Variants in FARP2 observed in about 807,000 individuals in gnomAD.
The protein encoded by FARP2 is FERM, ARH/RhoGEF and pleckstrin domain protein 2.
Under a neutral mutation model 130.5 loss-of-function variants are expected in FARP2, and 111 were observed. That is an observed-to-expected ratio of 0.85 (90% CI 0.73 to 1.00). The LOEUF is 1.00. Ranked by LOEUF, FARP2 falls within the 50% of genes least tolerant of loss-of-function variation. The pLI is 0.00. For synonymous variants in FARP2, 504 were observed against 516.9 expected, an observed-to-expected ratio of 0.98 and a Z score of 0.34; for missense variants, 1,385 against 1,346.3, an observed-to-expected ratio of 1.03 and a Z score of -0.45.
intron 5 of FARP2, among the ~76,000 whole-genome samples, chr2:241,409,506 G>A (rs371073977): frequency 8.5e-5 from 13 of 152,168 alleles, no homozygotes; most frequent in South Asian, 2.1e-4. Context: ...CTGTGGTAGC[G>A]CCACTGCACT....
At chr2:241,447,365 T>C (rs944403246) in intron 13 of FARP2, among the ~76,000 whole-genome samples, 5 of 152,210 alleles carry the variant, frequency 3.3e-5, no homozygotes, top group Middle Eastern at 3.4e-3. Flanking sequence ...GGAAGGCCAG[T>C]GGGGAAAGGT....
At chr2:241,408,794 C>A (rs1347577542) in intron 5 of FARP2, among the ~76,000 whole-genome samples, 1 of 152,086 alleles carries the variant, frequency 6.6e-6, no homozygotes, top group Non-Finnish European at 1.5e-5. Flanking sequence ...TATGAACTCT[C>A]TTTTAAAGGT....
intron 4 of FARP2, among the ~76,000 whole-genome samples, chr2:241,406,107 T>G (rs935330740): frequency 3.3e-5 from 5 of 151,916 alleles, no homozygotes; most frequent in Middle Eastern, 3.4e-3. Flanking sequence ...ATCGAGACCA[T>G]CCTGGCTAAC....
intron 21 of FARP2, among the ~76,000 whole-genome samples, chr2:241,487,858 C>T (rs2124902035): frequency 6.8e-6 from 1 of 147,654 alleles, no homozygotes; most frequent in African/African-American, 2.5e-5. Flanking sequence ...CGCCATTCTC[C>T]TACCTCAGCT....
chr2:241,493,513 A>C, intron 26 of FARP2, 69 bp downstream of exon 26: 12 of 1,481,890 alleles, frequency 8.1e-6, no homozygotes, highest in Non-Finnish European at 1.0e-5. Flanking sequence ...ATTTCTACTC[A>C]TGGTGGTGGA....
At chr2:241,448,177 G>T (rs1574842929) in intron 13 of FARP2, among the ~76,000 whole-genome samples, 1 of 152,150 alleles carries the variant, frequency 6.6e-6, no homozygotes, top group Non-Finnish European at 1.5e-5. Flanking sequence ...AGTCCCAGGG[G>T]CCTCACTTAC....
rs747794704 is a variant in FARP2 at position 241,491,531 on chromosome 2, T to C, written c.2639T>C (p.Val880Ala). The C allele has an allele frequency of 2.5e-6, 4 of 1,613,352 alleles. No homozygotes were observed. The Admixed American group carries it at 6.7e-5, about 27-fold the overall frequency. The change falls in exon 24 of 27, where the codon GTA becomes GCA. Residue 880 changes from valine to alanine, a missense_variant. Val to Ala is a moderately conservative substitution (Grantham distance 64, BLOSUM62 0). Coordinates refer to ENST00000264042, the MANE Select transcript of FARP2 (RefSeq NM_014808.4). ...CTRPPRSPNE[V>A]SLEQESEDDA... Reference sequence around the variant, plus strand: ...TTCTCCCCAGGATCCCCCAACGAGGTATCTCTGGAGCAGGAGTCAGAAGAT... The same window carrying C: ...TTCTCCCCAGGATCCCCCAACGAGGCATCTCTGGAGCAGGAGTCAGAAGAT...
chr2:241,426,785 G>A (rs1016485902), intron 8 of FARP2, among the ~76,000 whole-genome samples: 1 of 152,136 alleles, frequency 6.6e-6, no homozygotes, highest in South Asian at 2.1e-4. Flanking sequence ...AACTGTGCAG[G>A]TTTAAAAGTG....
chr2:241,483,336 G>A, intron 19 of FARP2, 129 bp from the exon 20 acceptor site: 1 of 760,128 alleles, frequency 1.3e-6, no homozygotes, highest in Non-Finnish European at 2.3e-6. Context: ...GGCTCCACTA[G>A]AGGACCCTCA....
chr2:241,482,958 C>T lies in FARP2; in HGVS notation c.2263-507C>T, dbSNP rs2064654028. On this transcript the variant is annotated intron_variant, in intron 19 of 26. Coordinates refer to ENST00000264042, the MANE Select transcript of FARP2 (RefSeq NM_014808.4). This position sits in a 1 kb window ranked among gnomAD's most constrained non-coding sequence, Gnocchi z 4.6. ...AACCCTCCTTTCCTCCTCCCATTCT[C>T]GAACCTGCTCTTGGTGCTAATTTGA... Among the ~76,000 whole-genome samples, 3 of 151,832 alleles carry T rather than the reference C, an allele frequency of 2.0e-5. No homozygotes were observed. The highest frequency in any genetic ancestry group is 2.0e-4 in the Admixed American group (3 of 15,234).
In FARP2 at chr2:241,488,988, A is replaced by C. The variant is rs552084786; in HGVS notation, c.2422-974A>C. 2.6e-5 allele frequency: 4 copies of C among 152,374 alleles called. No homozygotes were observed. In the South Asian group the frequency reaches 8.3e-4, roughly 32 times the overall value. 9.4% of individuals were successfully genotyped at this position (152,374 alleles called of 1,614,324 possible). On this transcript the variant is annotated intron_variant, in intron 21 of 26. Transcript: ENST00000264042. ...CTATTCTCAAGCATTTAATTCTTCC[A>C]AGTAATCTTCTAAGTCATTGGACAA...
chr2:241,420,411 G>C (rs2150376792), intron 8 of FARP2, among the ~76,000 whole-genome samples: 1 of 152,256 alleles, frequency 6.6e-6, no homozygotes, highest in South Asian at 2.1e-4. Context: ...CCAGGGAAGA[G>C]TGGCCAAGCT....
At position 241,475,817 on chromosome 2, in the gene FARP2, C is replaced by T; in HGVS notation, c.2132-40C>T. ...GGTGGGTGGAGGGTGCTGTGCACAC[C>T]ACTGCCTGTACACCTGTACTGAGGG... On this transcript the variant is annotated intron_variant, in intron 18 of 26. Coordinates refer to ENST00000264042, the MANE Select transcript of FARP2 (RefSeq NM_014808.4). The surrounding 1 kb of genome is among the most constrained non-coding windows in gnomAD (Gnocchi z 4.4). The T allele has an allele frequency of 1.3e-6, 2 of 1,563,504 alleles. No homozygotes were observed. The highest frequency in any genetic ancestry group is 1.7e-6 in the Non-Finnish European group (2 of 1,154,510).
At chr2:241,402,882 T>A (rs865829844) in intron 2 of FARP2, among the ~76,000 whole-genome samples, 218 of 26,222 alleles carry the variant, frequency 8.3e-3, no homozygotes, top group South Asian at 0.024. Context: ...ATATATATAT[T>A]TTTTTTTTTT....
chr2:241,357,099 G>A, intron 1 of FARP2, among the ~76,000 whole-genome samples: 1 of 152,326 alleles, frequency 6.6e-6, no homozygotes, highest in East Asian at 1.9e-4. Context: ...GCCATTAATG[G>A]ATGTGAAAAG....
intron 8 of FARP2, among the ~76,000 whole-genome samples, chr2:241,429,129 C>T (rs1243157659): frequency 1.3e-5 from 2 of 152,232 alleles, no homozygotes. Flanking sequence ...CAAGCAGTGT[C>T]TCAGACGTTT....
intron 2 of FARP2, among the ~76,000 whole-genome samples, chr2:241,380,853 CAGG>C (rs747582253): frequency 7.2e-4 from 110 of 152,172 alleles, no homozygotes; most frequent in Non-Finnish European, 7.5e-4. Flanking sequence ...AGGTCAGAAT[CAGG>C]AGGAGGAGTG....
At chr2:241,372,390 C>T (rs951100231) in intron 1 of FARP2, among the ~76,000 whole-genome samples, 2 of 152,112 alleles carry the variant, frequency 1.3e-5, no homozygotes, top group Non-Finnish European at 2.9e-5. Flanking sequence ...GAAATTACAT[C>T]CCAGACTACC....
chr2:241,373,899 T>C (rs1231574182), intron 2 of FARP2, among the ~76,000 whole-genome samples: 1 of 152,194 alleles, frequency 6.6e-6, no homozygotes, highest in African/African-American at 2.4e-5. Context: ...TAAGAATATA[T>C]GCATATATCA....
Sources: gnomAD v4.1 joint callset for allele counts (sites outside exome capture counted in the v4.1 genomes callset) on GRCh38, gnomAD v4.1.1 for gene constraint, Gnocchi (gnomAD v3.1) non-coding constraint, MANE v1.5 for transcripts, NCBI Gene and HGNC (gene_info 2026-07-23, HGNC 2026-07-21) for gene names.